The following FRMD5 variants were observed in gnomAD, a reference collection of about 807,000 sequenced individuals.
The protein encoded by FRMD5 is FERM domain-containing protein 5.
A neutral mutation model predicts 69.0 loss-of-function variants in FRMD5; 20 were observed. That is an observed-to-expected ratio of 0.29 (90% CI 0.20 to 0.42). The LOEUF is 0.42. Ranked by LOEUF, FRMD5 falls within the 10% of genes least tolerant of loss-of-function variation. The pLI is 1.00. For synonymous variants in FRMD5, 271 were observed against 260.1 expected (o/e 1.04, Z -0.40); for missense variants, 595 against 708.6 (o/e 0.84, Z 1.82).
At chr15:44,118,074 T>G (rs1452333624) in intron 1 of FRMD5, among the ~76,000 whole-genome samples, 2 of 145,582 alleles carry the variant, frequency 1.4e-5, no homozygotes, top group Non-Finnish European at 3.0e-5. Context: ...CTAGGGGTAG[T>G]GATTGAGGAG....
chr15:44,194,880 G>A, intron 1 of FRMD5, 73 bp downstream of exon 1: 1 of 1,342,178 alleles, frequency 7.5e-7, no homozygotes, highest in Non-Finnish European at 1.0e-6. Flanking sequence ...GGCGGCGGCC[G>A]CCGCCGGCCA....
At chr15:44,108,817 C>T (rs2076756595) in intron 1 of FRMD5, among the ~76,000 whole-genome samples, 1 of 151,656 alleles carries the variant, frequency 6.6e-6, no homozygotes, top group South Asian at 2.1e-4. Flanking sequence ...AAAAATTAGC[C>T]GGGCATGGTG....
chr15:43,963,009 G>T (rs1405142249), intron 1 of FRMD5, among the ~76,000 whole-genome samples: 1 of 152,238 alleles, frequency 6.6e-6, no homozygotes, highest in Non-Finnish European at 1.5e-5. Context: ...AGGACTTCAT[G>T]TCTAAAACAC....
At chr15:43,891,150 T>C (rs1367177521) in intron 8 of FRMD5, among the ~76,000 whole-genome samples, 3 of 152,182 alleles carry the variant, frequency 2.0e-5, no homozygotes, top group African/African-American at 4.8e-5. Flanking sequence ...TAGTAGAATA[T>C]GCAAAATGTT....
chr15:44,158,184 T>C (rs2077556557), intron 1 of FRMD5, among the ~76,000 whole-genome samples: 1 of 152,126 alleles, frequency 6.6e-6, no homozygotes, highest in South Asian at 2.1e-4. Context: ...ATTCAGCATC[T>C]CACACCAGGA....
At chr15:43,935,206 G>A (rs971038076) in intron 1 of FRMD5, among the ~76,000 whole-genome samples, 2 of 152,216 alleles carry the variant, frequency 1.3e-5, no homozygotes, top group African/African-American at 4.8e-5. Flanking sequence ...GGGGCCAGGC[G>A]TGGTGGCTCC....
intron 1 of FRMD5, among the ~76,000 whole-genome samples, chr15:44,072,337 G>A (rs1038881078): frequency 2.6e-5 from 4 of 152,132 alleles, no homozygotes; most frequent in Non-Finnish European, 5.9e-5. Context: ...CTCTCAGTGT[G>A]TTGGAACTGC....
At chr15:43,998,398 C>T (rs1243243748) in intron 1 of FRMD5, among the ~76,000 whole-genome samples, 1 of 152,168 alleles carries the variant, frequency 6.6e-6, no homozygotes, top group Admixed American at 6.5e-5. Context: ...GATGGCAAAT[C>T]TCTGCACAGG....
intron 1 of FRMD5, among the ~76,000 whole-genome samples, chr15:44,138,826 G>C (rs1374946454): frequency 1.3e-5 from 2 of 152,174 alleles, no homozygotes; most frequent in African/African-American, 4.8e-5. Flanking sequence ...ATTATGCTAA[G>C]TGAAAGAATC....
At chr15:44,151,938 G>A (rs948087362) in intron 1 of FRMD5, among the ~76,000 whole-genome samples, 8 of 152,184 alleles carry the variant, frequency 5.3e-5, no homozygotes, top group African/African-American at 1.7e-4. Context: ...GGCCAGGCGC[G>A]GTGGATCACA....
intron 1 of FRMD5, among the ~76,000 whole-genome samples, chr15:44,035,856 T>G (rs1165822280): frequency 6.6e-6 from 1 of 152,186 alleles, no homozygotes; most frequent in Admixed American, 6.5e-5. Context: ...TTTAAGAAGG[T>G]GACATCAGGT....
chr15:44,004,567 G>T (rs772205420), intron 1 of FRMD5, among the ~76,000 whole-genome samples: 25 of 151,960 alleles, frequency 1.6e-4, no homozygotes, highest in Non-Finnish European at 2.8e-4. Flanking sequence ...ACTTGCTTTG[G>T]GGCACCATAA....
At chr15:43,930,781 G>A (rs866380975) in intron 1 of FRMD5, among the ~76,000 whole-genome samples, 1 of 152,150 alleles carries the variant, frequency 6.6e-6, no homozygotes, top group Non-Finnish European at 1.5e-5. Flanking sequence ...TTTGCTCATC[G>A]CCACATGGTG....
At chr15:44,153,575 G>A (rs1340780244) in intron 1 of FRMD5, among the ~76,000 whole-genome samples, 1 of 152,208 alleles carries the variant, frequency 6.6e-6, no homozygotes, top group African/African-American at 2.4e-5. Context: ...TGTTTAAAGG[G>A]TATAGAGTTT....
intron 1 of FRMD5, among the ~76,000 whole-genome samples, chr15:43,940,836 A>G (rs989524821): frequency 6.6e-6 from 1 of 152,206 alleles, no homozygotes; most frequent in African/African-American, 2.4e-5. Flanking sequence ...GAACAGGTTG[A>G]AAAGCTATCT....
At chr15:44,183,849 A>C (rs1453072141) in intron 1 of FRMD5, among the ~76,000 whole-genome samples, 1 of 151,866 alleles carries the variant, frequency 6.6e-6, no homozygotes, top group African/African-American at 2.4e-5. Flanking sequence ...AGGTGTGGTG[A>C]CTTGAGCCTA....
intron 1 of FRMD5, among the ~76,000 whole-genome samples, chr15:44,149,594 G>A (rs1004284283): frequency 1.3e-5 from 2 of 152,094 alleles, no homozygotes; most frequent in Admixed American, 1.3e-4. Context: ...GTCACCATAA[G>A]AGAGAAGGAG....
chr15:44,078,595 G>T (rs888602016), intron 1 of FRMD5, among the ~76,000 whole-genome samples: 6 of 151,992 alleles, frequency 3.9e-5, no homozygotes, highest in African/African-American at 1.4e-4. Context: ...TAGACCAAAG[G>T]AATAAAATAG....
At chr15:44,014,221 C>T (rs1435328479) in intron 1 of FRMD5, among the ~76,000 whole-genome samples, 28 of 152,066 alleles carry the variant, frequency 1.8e-4, no homozygotes, top group Admixed American at 1.8e-3. Context: ...CAGAAGACTG[C>T]AGCTGTGATG....
Sources: gnomAD v4.1 joint callset for allele counts (sites outside exome capture counted in the v4.1 genomes callset) on GRCh38, gnomAD v4.1.1 for gene constraint, MANE v1.5 for transcripts, NCBI Gene and HGNC (gene_info 2026-07-23, HGNC 2026-07-21) for gene names.